KCNK2: variants seen among roughly 807,000 people sequenced by gnomAD.
KCNK2 encodes potassium two pore domain channel subfamily K member 2, also known as potassium channel subfamily K member 2.
In KCNK2, 21 loss-of-function variants were observed where a neutral mutation model predicts 40.5. The ratio of observed to expected loss-of-function variants is 0.52; its 90% CI spans 0.37 to 0.75. KCNK2 has a LOEUF of 0.75. Among genes scored for constraint, KCNK2 ranks in the 30% least tolerant of loss-of-function variants. The pLI, the probability that KCNK2 is intolerant of heterozygous loss-of-function variation, is 0.00. For missense variants in KCNK2, 399 were observed against 531.6 expected (o/e 0.75, Z 2.45); for synonymous variants, 191 against 202.2 (o/e 0.94, Z 0.47).
At position 215,217,578 on chromosome 1, in the gene KCNK2, C is replaced by A. The variant is rs182589979; in HGVS notation, c.964-17250C>A. Among the ~76,000 whole-genome samples the A allele has an allele frequency of 2.0e-5, 3 of 152,254 alleles. No individual in the cohort carries two copies. In the East Asian group the frequency reaches 5.8e-4, roughly 29 times the overall value. ...TCTCTAACTTGCACTGACACTAATTCTGGTAACTCACTAGATCAGAGACTA... is the reference window on the plus strand; with the variant it reads ...TCTCTAACTTGCACTGACACTAATTATGGTAACTCACTAGATCAGAGACTA... On this transcript the variant is annotated intron_variant, in intron 6 of 6. Transcript: ENST00000444842.
chr1:215,069,798 G>A (rs1413096527), intron 1 of KCNK2, among the ~76,000 whole-genome samples: 2 of 152,152 alleles, frequency 1.3e-5, no homozygotes, highest in African/African-American at 4.8e-5. Context: ...GTGAATCTAT[G>A]TTGTAACAGA....
intron 3 of KCNK2, among the ~76,000 whole-genome samples, chr1:215,129,106 A>T (rs548535581): frequency 7.2e-5 from 11 of 152,316 alleles, no homozygotes; most frequent in African/African-American, 2.6e-4. Context: ...AAATAATTAG[A>T]TACAAGAATC....
chr1:215,037,646 C>G (rs1011605834), intron 1 of KCNK2, among the ~76,000 whole-genome samples: 1 of 151,830 alleles, frequency 6.6e-6, no homozygotes, highest in Non-Finnish European at 1.5e-5. Flanking sequence ...AGTGAAGTTA[C>G]CTGAGCTTAG....
chr1:215,014,386 C>T (rs1024713413), intron 1 of KCNK2, among the ~76,000 whole-genome samples: 3 of 151,290 alleles, frequency 2.0e-5, no homozygotes, highest in African/African-American at 7.3e-5. Flanking sequence ...TCTGTACTGC[C>T]TTTCTCCTGC....
intron 3 of KCNK2, among the ~76,000 whole-genome samples, chr1:215,146,871 G>A (rs760018214): frequency 2.0e-5 from 3 of 152,124 alleles, no homozygotes; most frequent in Admixed American, 6.5e-5. Context: ...CTTAAACCTC[G>A]TAGGATTGTT....
rs1454086880 is a variant in KCNK2, at chr1:215,044,038, G to A, written c.34+38083G>A. On this transcript the variant is annotated intron_variant, in intron 1 of 6. Transcript: ENST00000391895. ...AACAAAGATAACAAATAAGAATAAT[G>A]GAAGAAAATAAGAAATAGTAGAGAA... 5.9e-5 allele frequency among the ~76,000 whole-genome samples: 9 copies of A among 152,102 alleles called. No individual in the cohort carries two copies. In the East Asian group the frequency reaches 7.7e-4, roughly 13 times the overall value.
intron 1 of KCNK2, among the ~76,000 whole-genome samples, chr1:215,039,539 T>G (rs972070695): frequency 2.0e-5 from 3 of 152,196 alleles, no homozygotes; most frequent in African/African-American, 7.2e-5. Context: ...TAAGCTATTT[T>G]GTAATTTGAT....
Position 215,161,833 on chromosome 1 carries a change from G to T in KCNK2, c.476-7366G>T, listed in dbSNP as rs113290730. The stretch of plus-strand genomic sequence containing the variant: ...TCTTAATCCAGTTTGTCATTGATGG[G>T]CATTTGGATTGGTTCCAAGTCTTTG... On this transcript the variant is annotated intron_variant, in intron 3 of 6. Coordinates refer to ENST00000444842, the MANE Select transcript of KCNK2 (RefSeq NM_001017425.3). 2.0e-3 allele frequency among the ~76,000 whole-genome samples: 310 copies of T among 152,252 alleles called. 3 individuals carry two copies. The highest frequency in any genetic ancestry group is 7.1e-3 in the African/African-American group (297 of 41,546).
At chr1:215,185,790 C>T (rs1000455857) in intron 5 of KCNK2, among the ~76,000 whole-genome samples, 28 of 152,164 alleles carry the variant, frequency 1.8e-4, no homozygotes, top group African/African-American at 6.8e-4. Context: ...CCATAATGCA[C>T]ACTTAATATT....
rs139573392 is a variant in KCNK2, at chr1:215,050,408, G to C, written c.35-35960G>C. Reference sequence around the variant, plus strand: ...TATTCATTAGTTAAGTCATTCAACAGATATCTGCTGGGAGACTTCTCTGTT... The same window carrying C: ...TATTCATTAGTTAAGTCATTCAACACATATCTGCTGGGAGACTTCTCTGTT... On this transcript the variant is annotated intron_variant, in intron 1 of 6. Transcript: ENST00000391895. Among the ~76,000 whole-genome samples, 1,173 of 152,252 alleles carry C rather than the reference G, an allele frequency of 7.7e-3. 18 individuals carry two copies. The highest frequency in any genetic ancestry group is 0.027 in the African/African-American group (1,116 of 41,546).
intron 1 of KCNK2, among the ~76,000 whole-genome samples, chr1:215,012,461 CT>C (rs1256997702): frequency 7.0e-6 from 1 of 142,068 alleles, no homozygotes; most frequent in Non-Finnish European, 1.5e-5. Flanking sequence ...CTGTTCAAAT[CT>C]TTTTTCTTTT....
intron 2 of KCNK2, among the ~76,000 whole-genome samples, chr1:215,109,363 A>G (rs528874710): frequency 2.0e-4 from 30 of 151,860 alleles, no homozygotes; most frequent in African/African-American, 7.0e-4. Flanking sequence ...TCTCCCGCCC[A>G]CACACCCTTC....
At chr1:215,158,769 C>G (rs1211619262) in intron 3 of KCNK2, among the ~76,000 whole-genome samples, 1 of 152,138 alleles carries the variant, frequency 6.6e-6, no homozygotes, top group Non-Finnish European at 1.5e-5. Context: ...AACTCAGACG[C>G]CTGCCCTACC....
intron 2 of KCNK2, among the ~76,000 whole-genome samples, chr1:215,092,692 A>G (rs980122353): frequency 6.6e-6 from 1 of 152,144 alleles, no homozygotes; most frequent in Admixed American, 6.5e-5. Context: ...GGCTTCTTAT[A>G]TCTTGCTGGT....
Position 215,007,047 on chromosome 1 carries a change from G to A in KCNK2, c.34+1092G>A, listed in dbSNP as rs1318664262. Among the ~76,000 whole-genome samples the A allele has an allele frequency of 6.1e-5, 7 of 115,456 alleles. 1 individual carries two copies. The highest frequency in any genetic ancestry group is 2.3e-4 in the African/African-American group (6 of 26,024). The allele number at this position is 115,456 out of a possible 152,430, so 75.7% of individuals were successfully genotyped here. A position where few individuals can be genotyped will look rare whatever the true frequency, so the allele number is the denominator to read the frequency against. ...TATATATATATATATATGTGTGTGT[G>A]TGTATATATATATGTGTGTGTGTGT... On this transcript the variant is annotated intron_variant, in intron 1 of 6. Transcript: ENST00000391895.
intron 6 of KCNK2, among the ~76,000 whole-genome samples, chr1:215,196,919 A>G (rs1438766518): frequency 6.6e-6 from 1 of 152,208 alleles, no homozygotes; most frequent in Non-Finnish European, 1.5e-5. Flanking sequence ...TATTTCTTAA[A>G]TAAAACAGAC....
At chr1:215,112,974 C>T (rs2102565406) in intron 2 of KCNK2, among the ~76,000 whole-genome samples, 1 of 152,210 alleles carries the variant, frequency 6.6e-6, no homozygotes, top group South Asian at 2.1e-4. Flanking sequence ...TGTCGCTTAA[C>T]AGTAGATGAC....
At chr1:215,088,425 C>T (rs753558638) in intron 2 of KCNK2, among the ~76,000 whole-genome samples, 13 of 152,034 alleles carry the variant, frequency 8.6e-5, no homozygotes, top group African/African-American at 2.9e-4. Context: ...AAGAGATAAT[C>T]CACATAAAGT....
rs566230669 is a variant in KCNK2 at position 215,190,098 on chromosome 1, A to G, written c.824-4855A>G. ...CTAGGTTATCCTTTAAAACCAGGAT[A>G]TATCTTTTTTCTTCCTTCCTAAATA... On this transcript the variant is annotated intron_variant, in intron 5 of 6. Coordinates refer to ENST00000444842, the MANE Select transcript of KCNK2 (RefSeq NM_001017425.3). Among the ~76,000 whole-genome samples, 27 of 152,350 alleles carry G rather than the reference A, an allele frequency of 1.8e-4. No homozygotes were observed. In the South Asian group the frequency reaches 5.0e-3, roughly 28 times the overall value.
Sources: gnomAD v4.1 joint callset for allele counts (sites outside exome capture counted in the v4.1 genomes callset) on GRCh38, gnomAD v4.1.1 for gene constraint, MANE v1.5 for transcripts, NCBI Gene and HGNC (gene_info 2026-07-23, HGNC 2026-07-21) for gene names.